RASGRP1: variants seen among roughly 807,000 people sequenced by gnomAD.
RASGRP1 encodes RAS guanyl-releasing protein 1.
In RASGRP1, 37 loss-of-function variants were observed where a neutral mutation model predicts 95.1. The observed-to-expected ratio is 0.39, with a 90% CI of 0.30 to 0.51. The LOEUF is 0.51. Among genes scored for constraint, RASGRP1 ranks in the 20% least tolerant of loss-of-function variants. The pLI, the probability that RASGRP1 is intolerant of heterozygous loss-of-function variation, is 0.80. For synonymous variants in RASGRP1, 325 were observed against 353.4 expected (o/e 0.92, Z 0.90); for missense variants, 711 against 965.4 (o/e 0.74, Z 3.49).
intron 12 of RASGRP1, 94 bp downstream of exon 12, chr15:38,502,218 A>G: frequency 1.2e-6 from 1 of 842,260 alleles, no homozygotes; most frequent in Non-Finnish European, 1.9e-6. Context: ...CAGCAGCAAC[A>G]TATCTGAGTT....
At chr15:38,542,927 ATATG>A (rs1892961740) in intron 2 of RASGRP1, among the ~76,000 whole-genome samples, 1 of 147,320 alleles carries the variant, frequency 6.8e-6, no homozygotes, top group Admixed American at 6.8e-5. Context: ...GTGTGTATAT[ATATG>A]TGTGTGTATA....
intron 2 of RASGRP1, chr15:38,534,391 A>G (rs752841783): frequency 1.3e-4 from 19 of 151,454 alleles, no homozygotes; most frequent in Non-Finnish European, 2.5e-4. Flanking sequence ...CCCACATAGG[A>G]CAGCCTGCCA....
In RASGRP1 at chr15:38,536,951, A is replaced by G. The variant is rs183086988; in HGVS notation, c.221-10547T>C. ...GATTAGATGATGTTTGATTAAATAC[A>G]TAAAAATGCTTAGAAAAGTGTGAAG... On this transcript the variant is annotated intron_variant, in intron 2 of 16. Transcript: ENST00000310803. 1.1e-4 allele frequency among the ~76,000 whole-genome samples: 16 copies of G among 152,360 alleles called. 1 individual carries two copies. The highest frequency in any genetic ancestry group is 1.0e-3 in the Admixed American group (16 of 15,306).
chr15:38,496,166 A>C (rs1890784224), intron 15 of RASGRP1, among the ~76,000 whole-genome samples: 1 of 152,202 alleles, frequency 6.6e-6, no homozygotes, highest in South Asian at 2.1e-4. Flanking sequence ...GATAAGCAGA[A>C]ACCATCCCCG....
At chr15:38,493,322 C>T (rs947857371) in intron 16 of RASGRP1, among the ~76,000 whole-genome samples, 5 of 151,682 alleles carry the variant, frequency 3.3e-5, no homozygotes, top group Non-Finnish European at 7.4e-5. Context: ...GGATTACAGG[C>T]ACCTGCCATC....
Position 38,526,331 on chromosome 15 carries a change from G to A in RASGRP1, c.294C>T (p.Ser98=), listed in dbSNP as rs1264591716. ...TAACTTTTTGGAGCAGTTCTGCAGA[G>A]GAGATGACAATTCGGTGCATGGTCA... is the stretch of plus-strand genomic sequence containing the variant. ...VMLTMHRIVI[S]SAELLQKVIT... Residue 98 remains serine (S), a synonymous_variant, in exon 3 of 17, where the codon TCC becomes TCT. Transcript: ENST00000310803. 2 of 1,613,286 alleles carry A rather than the reference G, an allele frequency of 1.2e-6. No individual in the cohort carries two copies. The highest frequency in any genetic ancestry group is 2.2e-5 in the South Asian group (2 of 91,068).
chr15:38,543,209 T>C (rs1329669558), intron 2 of RASGRP1, among the ~76,000 whole-genome samples: 3 of 152,206 alleles, frequency 2.0e-5, no homozygotes, highest in African/African-American at 7.2e-5. Flanking sequence ...TTCATCTCAT[T>C]TTTTGTGTAT....
chr15:38,535,147 T>G lies in RASGRP1; in HGVS notation c.221-8743A>C, dbSNP rs8023574. On this transcript the variant is annotated intron_variant, in intron 2 of 16. Coordinates refer to ENST00000310803, the MANE Select transcript of RASGRP1 (RefSeq NM_005739.4). ...AGAACCATGAGCTGAAATTTAAAAA[T>G]GAGAAAACTGAAGCAACATGCCTCA... 5.3e-5 allele frequency among the ~76,000 whole-genome samples: 8 copies of G among 152,242 alleles called. No individual in the cohort carries two copies. In the East Asian group the frequency reaches 1.4e-3, roughly 26 times the overall value.
At chr15:38,502,630 T>G (rs900749619) in intron 11 of RASGRP1, among the ~76,000 whole-genome samples, 1 of 152,166 alleles carries the variant, frequency 6.6e-6, no homozygotes, top group Non-Finnish European at 1.5e-5. Flanking sequence ...GGGGTGGCCA[T>G]GTACTTTGAA....
At chr15:38,543,378 T>C (rs1892977822) in intron 2 of RASGRP1, among the ~76,000 whole-genome samples, 1 of 152,184 alleles carries the variant, frequency 6.6e-6, no homozygotes, top group Non-Finnish European at 1.5e-5. Context: ...CGTGCTATTC[T>C]GTACCACTGA....
chr15:38,505,723 A>C (rs55901220), intron 10 of RASGRP1, 117 bp downstream of exon 10: 9,831 of 792,882 alleles, frequency 0.012, 92 homozygotes, highest in Non-Finnish European at 0.018. Context: ...GTTGAGCACT[A>C]AGAAAAACAG....
chr15:38,514,349 CAT>C (rs1891674085), intron 6 of RASGRP1, among the ~76,000 whole-genome samples: 3 of 152,192 alleles, frequency 2.0e-5, no homozygotes. Context: ...AGCCACAACT[CAT>C]TGCATATATT....
At chr15:38,559,372 A>G (rs1295824540) in intron 2 of RASGRP1, among the ~76,000 whole-genome samples, 1 of 152,108 alleles carries the variant, frequency 6.6e-6, no homozygotes, top group African/African-American at 2.4e-5. Context: ...GTCCTTTCCT[A>G]TTCCACCACA....
At chr15:38,520,114 A>C (rs1442204081) in intron 3 of RASGRP1, among the ~76,000 whole-genome samples, 1 of 152,224 alleles carries the variant, frequency 6.6e-6, no homozygotes, top group South Asian at 2.1e-4. Flanking sequence ...CTATTTTAAG[A>C]GTCAAAGAGA....
chr15:38,491,891 C>T (rs750480318), intron 16 of RASGRP1, among the ~76,000 whole-genome samples: 1 of 152,168 alleles, frequency 6.6e-6, no homozygotes, highest in Non-Finnish European at 1.5e-5. Context: ...CTTCTTAAAG[C>T]ATTGTTGCCA....
At chr15:38,547,974 G>GTTT (rs773651084) in intron 2 of RASGRP1, among the ~76,000 whole-genome samples, 2 of 136,566 alleles carry the variant, frequency 1.5e-5, no homozygotes, top group African/African-American at 5.4e-5. Flanking sequence ...AAGTTTCCAG[G>GTTT]TTTTTTTTTT....
chr15:38,528,539 C>A (rs1892320226), intron 2 of RASGRP1, among the ~76,000 whole-genome samples: 1 of 152,156 alleles, frequency 6.6e-6, no homozygotes, highest in Non-Finnish European at 1.5e-5. Flanking sequence ...GGAACACTTT[C>A]TTCTCTTGGC....
At chr15:38,543,430 T>G (rs1361624804) in intron 2 of RASGRP1, among the ~76,000 whole-genome samples, 2 of 152,188 alleles carry the variant, frequency 1.3e-5, no homozygotes, top group Non-Finnish European at 2.9e-5. Flanking sequence ...TGGACTTGAT[T>G]ACTATAGCTT....
intron 2 of RASGRP1, among the ~76,000 whole-genome samples, chr15:38,550,250 A>AG (rs985856246): frequency 6.6e-6 from 1 of 151,544 alleles, no homozygotes; most frequent in African/African-American, 2.4e-5. Flanking sequence ...GCCAAAAAAA[A>AG]AAAAAAAAAG....
Sources: gnomAD v4.1 joint callset for allele counts (sites outside exome capture counted in the v4.1 genomes callset) on GRCh38, gnomAD v4.1.1 for gene constraint, MANE v1.5 for transcripts, NCBI Gene and HGNC (gene_info 2026-07-23, HGNC 2026-07-21) for gene names.